The following SIPA1L1 variants were observed in gnomAD, a reference collection of about 807,000 sequenced individuals.
The protein encoded by SIPA1L1 is signal induced proliferation associated 1 like 1.
In SIPA1L1, 26 loss-of-function variants were observed where a neutral mutation model predicts 162.7. That is an observed-to-expected ratio of 0.16 (90% CI 0.12 to 0.22). The LOEUF (loss-of-function observed/expected upper bound fraction) is 0.22, where lower values mean the gene tolerates loss of function less well. Among genes scored for constraint, SIPA1L1 ranks in the 10% least tolerant of loss-of-function variants. The pLI is 1.00. For synonymous variants in SIPA1L1, 829 were observed against 837.4 expected (o/e 0.99, Z 0.17); for missense variants, 1,874 against 2,241.0 (o/e 0.84, Z 3.31).
chr14:71,650,138 C>A (rs1000790412), intron 7 of SIPA1L1, among the ~76,000 whole-genome samples, 197 bp from the exon 8 acceptor site: 16 of 152,160 alleles, frequency 1.1e-4, no homozygotes, highest in African/African-American at 3.9e-4. Context: ...ATTTTTCTGG[C>A]CTTTTCTCAG....
intron 4 of SIPA1L1, among the ~76,000 whole-genome samples, chr14:71,580,757 G>T (rs1366817468): frequency 3.9e-5 from 6 of 152,038 alleles, no homozygotes; most frequent in African/African-American, 1.4e-4. Flanking sequence ...GTATTTAAAC[G>T]TGTGGTCATC....
chr14:71,721,449 A>G (rs551110215), intron 17 of SIPA1L1, among the ~76,000 whole-genome samples: 27 of 152,126 alleles, frequency 1.8e-4, no homozygotes, highest in Non-Finnish European at 3.7e-4. Flanking sequence ...GCTACCACCA[A>G]TGATTACTCA....
intron 2 of SIPA1L1, among the ~76,000 whole-genome samples, chr14:71,483,600 A>G (rs1372478522): frequency 6.6e-6 from 1 of 152,198 alleles, no homozygotes; most frequent in East Asian, 1.9e-4. Flanking sequence ...ATGTTTCTGT[A>G]GCCTTATCCT....
chr14:71,662,323 A>G (rs1233762460), intron 10 of SIPA1L1, among the ~76,000 whole-genome samples: 5 of 152,248 alleles, frequency 3.3e-5, no homozygotes, highest in African/African-American at 1.2e-4. Flanking sequence ...AAAAACAAGT[A>G]GAGGTTATGT....
chr14:71,568,557 G>A (rs1328706242), intron 4 of SIPA1L1, among the ~76,000 whole-genome samples: 3 of 152,120 alleles, frequency 2.0e-5, no homozygotes, highest in Non-Finnish European at 4.4e-5. Context: ...CTGGAAAGAG[G>A]TCCCAATCCA....
intron 10 of SIPA1L1, among the ~76,000 whole-genome samples, chr14:71,665,669 G>C (rs2043934561): frequency 6.6e-6 from 1 of 152,092 alleles, no homozygotes; most frequent in Non-Finnish European, 1.5e-5. Flanking sequence ...GCAATCTGGG[G>C]CCATTTGATT....
intron 3 of SIPA1L1, among the ~76,000 whole-genome samples, chr14:71,524,066 C>T (rs890952548): frequency 6.6e-6 from 1 of 152,218 alleles, no homozygotes; most frequent in Non-Finnish European, 1.5e-5. Context: ...CCCTTAGGCT[C>T]TCTCAGAGGA....
chr14:71,561,119 TGAA>T (rs887195776), intron 4 of SIPA1L1, among the ~76,000 whole-genome samples: 2 of 152,208 alleles, frequency 1.3e-5, no homozygotes, highest in Non-Finnish European at 1.5e-5. Context: ...TAAAATGGCT[TGAA>T]GATTCATTTT....
At chr14:71,506,425 C>G (rs950343260) in intron 2 of SIPA1L1, among the ~76,000 whole-genome samples, 4 of 152,130 alleles carry the variant, frequency 2.6e-5, no homozygotes, top group Non-Finnish European at 4.4e-5. Context: ...ACTGTGACCT[C>G]TGCCTCACAA....
chr14:71,601,385 T>G (rs1433180960), intron 5 of SIPA1L1, among the ~76,000 whole-genome samples: 1 of 152,202 alleles, frequency 6.6e-6, no homozygotes, highest in Non-Finnish European at 1.5e-5. Context: ...TGATGTGATA[T>G]GTCATACTTA....
At chr14:71,446,894 GTTTTTTTTTTTGTTTT>G (rs1236224022) in intron 2 of SIPA1L1, among the ~76,000 whole-genome samples, 24 of 87,404 alleles carry the variant, frequency 2.7e-4, no homozygotes, top group Non-Finnish European at 3.2e-4. Flanking sequence ...GATGGGCTCT[GTTTTTTTTTTTGTTTT>G]TTTTTTTTTT....
chr14:71,420,703 T>A (rs893956100), intron 2 of SIPA1L1, among the ~76,000 whole-genome samples: 3 of 152,172 alleles, frequency 2.0e-5, no homozygotes, highest in Non-Finnish European at 4.4e-5. Flanking sequence ...AGGGACATTT[T>A]GCCATTCTGT....
At chr14:71,562,256 T>C (rs1384377150) in intron 4 of SIPA1L1, among the ~76,000 whole-genome samples, 2 of 152,000 alleles carry the variant, frequency 1.3e-5, no homozygotes, top group Non-Finnish European at 2.9e-5. Context: ...TTCCCTAATA[T>C]TTGTATCATT....
intron 4 of SIPA1L1, among the ~76,000 whole-genome samples, chr14:71,556,722 C>T (rs1397703905): frequency 6.6e-6 from 1 of 152,230 alleles, no homozygotes; most frequent in African/African-American, 2.4e-5. Context: ...ACATGTTCAC[C>T]TCTCCAGAAG....
intron 17 of SIPA1L1, among the ~76,000 whole-genome samples, chr14:71,710,954 TA>T (rs1448964770): frequency 6.6e-6 from 1 of 152,226 alleles, no homozygotes; most frequent in African/African-American, 2.4e-5. Flanking sequence ...ATCCTCTACT[TA>T]ATTTGGATTG....
At chr14:71,654,679 A>G (rs2042912789) in intron 8 of SIPA1L1, among the ~76,000 whole-genome samples, 1 of 152,212 alleles carries the variant, frequency 6.6e-6, no homozygotes, top group South Asian at 2.1e-4. Flanking sequence ...AAGGAGGCAG[A>G]TCATGTGATT....
intron 7 of SIPA1L1, among the ~76,000 whole-genome samples, chr14:71,645,797 A>G (rs2042106073): frequency 6.6e-6 from 1 of 152,212 alleles, no homozygotes. Context: ...TTTTGAAGAT[A>G]GTTTTGATGT....
In SIPA1L1 at chr14:71,549,476, C is replaced by T. The variant is rs1437697127; in HGVS notation, c.-303+20106C>T. ...TTATTTCTGATGTTTTATTTATTCT[C>T]TTATTATTTCTGCCTAGATTGGCCA... is the stretch of plus-strand genomic sequence containing the variant. On this transcript the variant is annotated intron_variant, in intron 4 of 23. Coordinates refer to ENST00000381232, the MANE Select transcript of SIPA1L1 (RefSeq NM_001386936.1). Among the ~76,000 whole-genome samples the T allele has an allele frequency of 3.9e-5, 6 of 152,112 alleles. No individual in the cohort carries two copies. In the East Asian group the frequency reaches 7.7e-4, roughly 19 times the overall value.
In SIPA1L1 at chr14:71,676,467, C is replaced by CT. The variant is rs201499028; in HGVS notation, c.3104+3861dup. On this transcript the variant is annotated intron_variant, in intron 12 of 23. Coordinates refer to ENST00000381232, the MANE Select transcript of SIPA1L1 (RefSeq NM_001386936.1). ...CCCCTACTAGGTGCCAGGCATTTTC[C>CT]TTTTTTTTTTTTTTTTAAGTATATA... Among the ~76,000 whole-genome samples the CT allele has an allele frequency of 8.7e-3, 1,197 of 138,128 alleles. 7 individuals carry two copies. Among genetic ancestry groups the CT allele is most frequent in the African/African-American group, 0.023 (866 of 37,578 alleles). The allele number at this position is 138,128 out of a possible 152,430, so 90.6% of individuals were successfully genotyped here.
Sources: allele counts gnomAD v4.1 joint callset (sites outside exome capture counted in the v4.1 genomes callset), GRCh38; gene constraint gnomAD v4.1.1; transcripts MANE v1.5; gene names NCBI Gene and HGNC (gene_info 2026-07-23, HGNC 2026-07-21).